The following HDAC9 variants were observed in gnomAD, a reference collection of about 807,000 sequenced individuals.
The protein encoded by HDAC9 is histone deacetylase 9.
Under a neutral mutation model 139.4 loss-of-function variants are expected in HDAC9, and 41 were observed. The ratio of observed to expected loss-of-function variants is 0.29; its 90% CI spans 0.23 to 0.38. HDAC9 has a LOEUF of 0.38. HDAC9 is among the 10% of genes least tolerant of loss of function. HDAC9 has a pLI of 1.00. For synonymous variants in HDAC9, 517 were observed against 476.2 expected (o/e 1.09, Z -1.12); for missense variants, 1,147 against 1,297.0 (o/e 0.88, Z 1.78).
intron 22 of HDAC9, among the ~76,000 whole-genome samples, chr7:18,922,597 A>G (rs1323663622): frequency 1.3e-5 from 2 of 152,068 alleles, no homozygotes; most frequent in East Asian, 1.9e-4. Context: ...AACACCCAGG[A>G]GATTCTGATT....
intron 1 of HDAC9, among the ~76,000 whole-genome samples, chr7:18,110,327 A>ATGACTG (rs1418460943): frequency 3.3e-5 from 5 of 152,210 alleles, no homozygotes; most frequent in African/African-American, 1.2e-4. Flanking sequence ...GTAGAAGAGG[A>ATGACTG]TAGATATAGT....
intron 2 of HDAC9, among the ~76,000 whole-genome samples, chr7:18,498,039 A>G (rs1056652012): frequency 3.3e-5 from 5 of 152,170 alleles, no homozygotes; most frequent in Non-Finnish European, 5.9e-5. Context: ...CAGGCTGTCC[A>G]TGCTTTGGCC....
intron 2 of HDAC9, among the ~76,000 whole-genome samples, chr7:18,554,489 C>T (rs533135459): frequency 1.3e-3 from 191 of 152,124 alleles, no homozygotes; most frequent in African/African-American, 4.4e-3. Flanking sequence ...GCGCCCGCCA[C>T]CACGCCCGGC....
chr7:18,590,196 A>T, intron 3 of HDAC9, 140 bp from the exon 4 acceptor site: 1 of 901,098 alleles, frequency 1.1e-6, no homozygotes, highest in Non-Finnish European at 1.7e-6. Flanking sequence ...CTTAGATTTC[A>T]ATGATTTACA....
At chr7:18,529,481 A>G (rs372706666) in intron 2 of HDAC9, among the ~76,000 whole-genome samples, 2 of 152,218 alleles carry the variant, frequency 1.3e-5, no homozygotes, top group South Asian at 4.1e-4. Flanking sequence ...ATGCTTGTAT[A>G]GATTTCCAAA....
intron 2 of HDAC9, among the ~76,000 whole-genome samples, chr7:18,173,709 G>A (rs1297006734): frequency 6.6e-6 from 1 of 151,216 alleles, no homozygotes; most frequent in Middle Eastern, 3.4e-3. Flanking sequence ...CCTTCACTTA[G>A]TTTGGCTGGA....
intron 12 of HDAC9, among the ~76,000 whole-genome samples, chr7:18,714,462 T>G (rs1408046379): frequency 6.6e-6 from 1 of 152,178 alleles, no homozygotes; most frequent in Non-Finnish European, 1.5e-5. Flanking sequence ...ACAATTCTAT[T>G]CATTCCCCAG....
chr7:18,897,835 T>C (rs1259705113), intron 22 of HDAC9, among the ~76,000 whole-genome samples: 1 of 147,478 alleles, frequency 6.8e-6, no homozygotes, highest in African/African-American at 2.5e-5. Context: ...AAAAAAAAAA[T>C]CCCTCCATTT....
At chr7:18,897,046 G>T (rs745628655) in intron 22 of HDAC9, among the ~76,000 whole-genome samples, 5 of 151,922 alleles carry the variant, frequency 3.3e-5, no homozygotes, top group Non-Finnish European at 7.4e-5. Flanking sequence ...TAAGTCTAGA[G>T]TATGCATATG....
At chr7:18,363,643 G>C (rs998287783) in intron 1 of HDAC9, among the ~76,000 whole-genome samples, 7 of 151,774 alleles carry the variant, frequency 4.6e-5, no homozygotes, top group Non-Finnish European at 7.4e-5. Flanking sequence ...TTACAAAATG[G>C]AGATGTTTTC....
At position 19,001,379 on chromosome 7, in the gene HDAC9, A is replaced by T. The variant is rs1786740414; in HGVS notation, c.*5317A>T. 1 of 152,046 alleles carries T rather than the reference A, an allele frequency of 6.6e-6. No homozygotes were observed. The highest frequency in any genetic ancestry group is 2.4e-5 in the African/African-American group (1 of 41,428). 9.4% of individuals were successfully genotyped at this position (152,046 alleles called of 1,614,324 possible). A position where few individuals can be genotyped will look rare whatever the true frequency, so the allele number is the denominator to read the frequency against. On this transcript the variant is annotated 3_prime_UTR_variant, in exon 26 of 26. Transcript: ENST00000686413. ...AATAGAAGCAAATGTTGCAATATTAAATATAATAGGGAGAGTTCACTGTTT... is the reference window on the plus strand; with the variant it reads ...AATAGAAGCAAATGTTGCAATATTATATATAATAGGGAGAGTTCACTGTTT...
Position 18,849,305 on chromosome 7 carries a change from AC to A in HDAC9, c.2684+13311del, listed in dbSNP as rs1452179769. 2.6e-5 allele frequency among the ~76,000 whole-genome samples: 4 copies of A among 152,296 alleles called. No individual in the cohort carries two copies. In the East Asian group the frequency reaches 7.7e-4, roughly 29 times the overall value. On this transcript the variant is annotated intron_variant, in intron 21 of 25. Transcript: ENST00000686413. ...CATGTGAGTGGTTCTTAGATAACAC[AC>A]CCTAAAGACAAAGAAAGAAAGGAAG... is the stretch of plus-strand genomic sequence containing the variant.
At chr7:18,180,100 A>C (rs540684767) in intron 2 of HDAC9, among the ~76,000 whole-genome samples, 1 of 152,188 alleles carries the variant, frequency 6.6e-6, no homozygotes, top group African/African-American at 2.4e-5. Context: ...TTCAAATTAC[A>C]TGTCAGCTCC....
chr7:18,949,914 T>C (rs1291353634), intron 23 of HDAC9, among the ~76,000 whole-genome samples: 2 of 151,998 alleles, frequency 1.3e-5, no homozygotes, highest in Admixed American at 6.6e-5. Flanking sequence ...AGTGTAAATA[T>C]ATACACATAC....
chr7:18,865,942 A>T (rs1359916908), intron 21 of HDAC9, among the ~76,000 whole-genome samples: 1 of 151,738 alleles, frequency 6.6e-6, no homozygotes, highest in Non-Finnish European at 1.5e-5. Context: ...TTACATTTGC[A>T]TGATTATAAT....
At chr7:18,822,064 C>G (rs879490608) in intron 17 of HDAC9, among the ~76,000 whole-genome samples, 1 of 152,172 alleles carries the variant, frequency 6.6e-6, no homozygotes, top group African/African-American at 2.4e-5. Context: ...ACTCTCTGAA[C>G]CTTATCTTTT....
chr7:18,617,282 C>G (rs1425871093), intron 6 of HDAC9, among the ~76,000 whole-genome samples: 2 of 152,106 alleles, frequency 1.3e-5, no homozygotes, highest in African/African-American at 4.8e-5. Flanking sequence ...CTGTTATGTA[C>G]AAGGCTAAAG....
At chr7:18,679,479 CCT>C (rs1167117290) in intron 12 of HDAC9, among the ~76,000 whole-genome samples, 2 of 151,118 alleles carry the variant, frequency 1.3e-5, no homozygotes, top group Non-Finnish European at 3.0e-5. Flanking sequence ...TCCCTCCCAC[CCT>C]CTCTCCCTTT....
chr7:18,867,740 G>T (rs780090195), intron 21 of HDAC9, among the ~76,000 whole-genome samples: 1 of 151,966 alleles, frequency 6.6e-6, no homozygotes, highest in Non-Finnish European at 1.5e-5. Flanking sequence ...ATCTTCTGTC[G>T]TAAGTTGATC....
Sources: allele counts gnomAD v4.1 joint callset (sites outside exome capture counted in the v4.1 genomes callset), GRCh38; gene constraint gnomAD v4.1.1; transcripts MANE v1.5; gene names NCBI Gene and HGNC (gene_info 2026-07-23, HGNC 2026-07-21).